Variants in SYT2 observed in about 807,000 individuals in gnomAD.
The protein encoded by SYT2 is synaptotagmin 2, also known as synaptotagmin-2.
A neutral mutation model predicts 39.9 loss-of-function variants in SYT2; 15 were observed. The ratio of observed to expected loss-of-function variants is 0.38; its 90% CI spans 0.25 to 0.58. SYT2 has a LOEUF of 0.58. Among genes scored for constraint, SYT2 ranks in the 20% least tolerant of loss-of-function variants. The probability of loss-of-function intolerance (pLI) is 0.70; values close to 1 mark genes in which losing one functional copy is unlikely to be tolerated. For synonymous variants in SYT2, 181 were observed against 204.5 expected, an observed-to-expected ratio of 0.89 and a Z score of 0.98; for missense variants, 389 against 530.3, an observed-to-expected ratio of 0.73 and a Z score of 2.62.
intron 1 of SYT2, among the ~76,000 whole-genome samples, chr1:202,702,267 C>T (rs1455564179): frequency 6.6e-6 from 1 of 152,216 alleles, no homozygotes; most frequent in Non-Finnish European, 1.5e-5. Flanking sequence ...GCTTCCCTGC[C>T]TCCTGCAGCT....
At chr1:202,666,108 G>C (rs570053997) in intron 1 of SYT2, among the ~76,000 whole-genome samples, 1 of 148,170 alleles carries the variant, frequency 6.7e-6, no homozygotes, top group African/African-American at 2.5e-5. Flanking sequence ...AGCCGAGATC[G>C]TGCCACTGCA....
chr1:202,622,222 C>T (rs1403849134), intron 1 of SYT2, among the ~76,000 whole-genome samples: 1 of 152,214 alleles, frequency 6.6e-6, no homozygotes, highest in East Asian at 1.9e-4. Flanking sequence ...TTATGTTTTG[C>T]ACCAATGCTT....
chr1:202,686,280 A>C (rs1462792553), intron 1 of SYT2, among the ~76,000 whole-genome samples: 1 of 152,184 alleles, frequency 6.6e-6, no homozygotes, highest in East Asian at 1.9e-4. Flanking sequence ...CTCTTTTCTT[A>C]TAAATTACCC....
chr1:202,643,460 CCT>C (rs558459512), intron 1 of SYT2: 36 of 150,388 alleles, frequency 2.4e-4, no homozygotes, highest in Admixed American at 2.6e-4. Flanking sequence ...CTATTCTCTT[CCT>C]CTCTCTCTCT....
At chr1:202,616,162 CCTCT>C (rs1392018403) in intron 1 of SYT2, among the ~76,000 whole-genome samples, 2 of 152,164 alleles carry the variant, frequency 1.3e-5, no homozygotes, top group Non-Finnish European at 2.9e-5. Flanking sequence ...TCACACCCCT[CCTCT>C]CTCTTTGCTG....
intron 5 of SYT2, 133 bp from the exon 6 acceptor site, chr1:202,602,190 T>A: frequency 2.0e-6 from 1 of 500,856 alleles, no homozygotes. Flanking sequence ...CCAAGGCTTT[T>A]GGGGAGCAGA....
At chr1:202,606,302 C>T (rs1393110205) in intron 1 of SYT2, among the ~76,000 whole-genome samples, 1 of 152,116 alleles carries the variant, frequency 6.6e-6, no homozygotes, top group Non-Finnish European at 1.5e-5. Flanking sequence ...CTGGTCTGCC[C>T]AACTCCAGAG....
intron 1 of SYT2, among the ~76,000 whole-genome samples, chr1:202,642,101 T>C (rs1393199053): frequency 3.3e-5 from 5 of 152,152 alleles, no homozygotes; most frequent in African/African-American, 1.2e-4. Flanking sequence ...AAACCTCAGA[T>C]ACCTTAAATT....
chr1:202,613,930 G>A (rs530682241), intron 1 of SYT2, among the ~76,000 whole-genome samples: 2 of 152,316 alleles, frequency 1.3e-5, no homozygotes, highest in South Asian at 4.1e-4. Context: ...CTACTTTTCA[G>A]AACTGCCGTG....
chr1:202,638,357 C>T (rs1210513023), intron 1 of SYT2, among the ~76,000 whole-genome samples: 1 of 152,232 alleles, frequency 6.6e-6, no homozygotes, highest in Non-Finnish European at 1.5e-5. Flanking sequence ...TATTCACAGC[C>T]TCTCTTGACC....
intron 8 of SYT2, 149 bp from the exon 9 acceptor site, chr1:202,597,112 A>G (rs1459335200): frequency 5.9e-6 from 4 of 678,100 alleles, no homozygotes; most frequent in African/African-American, 1.8e-5. Flanking sequence ...TGAAGACTGA[A>G]TTGACATGGA....
intron 1 of SYT2, among the ~76,000 whole-genome samples, chr1:202,659,711 T>G (rs1387507238): frequency 6.6e-6 from 1 of 152,120 alleles, no homozygotes; most frequent in East Asian, 1.9e-4. Context: ...TCTGCCCTTC[T>G]CCTCTAATGT....
At chr1:202,700,630 G>A (rs747115881) in intron 1 of SYT2, among the ~76,000 whole-genome samples, 7 of 152,028 alleles carry the variant, frequency 4.6e-5, no homozygotes, top group Non-Finnish European at 8.8e-5. Context: ...TATAGTAGAC[G>A]TTTTCTCTAG....
chr1:202,689,660 A>T (rs767357214), intron 1 of SYT2, among the ~76,000 whole-genome samples: 1 of 152,032 alleles, frequency 6.6e-6, no homozygotes, highest in Non-Finnish European at 1.5e-5. Context: ...GGGGGCAGGG[A>T]ACACTGTGGG....
Position 202,630,678 on chromosome 1 carries a change from A to G in SYT2, c.-17-24889T>C, listed in dbSNP as rs559616491. On this transcript the variant is annotated intron_variant, in intron 1 of 8. Transcript: ENST00000367268. The stretch of plus-strand genomic sequence containing the variant: ...GCCGAACACACCCCTGGCTCCAGAG[A>G]CGCCATCATCTGGGACCCTCTCCTC... 5.3e-5 allele frequency among the ~76,000 whole-genome samples: 8 copies of G among 152,246 alleles called. No individual in the cohort carries two copies. The South Asian group carries it at 1.5e-3, about 28-fold the overall frequency.
At chr1:202,692,284 G>A (rs188142153) in intron 1 of SYT2, among the ~76,000 whole-genome samples, 100 of 152,132 alleles carry the variant, frequency 6.6e-4, no homozygotes, top group African/African-American at 2.4e-3. Flanking sequence ...CCTATCCCCA[G>A]CTAAGCTCAC....
intron 1 of SYT2, among the ~76,000 whole-genome samples, chr1:202,663,532 A>C (rs1692425980): frequency 1.3e-5 from 2 of 152,180 alleles, no homozygotes; most frequent in Admixed American, 6.5e-5. Context: ...CAGCGGCAAC[A>C]TTTTAAATAG....
In SYT2 at chr1:202,708,799, T is replaced by C. The variant is rs1451450111; in HGVS notation, c.-18+1459A>G. ...TTCCACCTGCCACTCGGGCCCGCCT[T>C]TGGGGCACTGGGCATGGCTTTTTTC... is the stretch of plus-strand genomic sequence containing the variant. On this transcript the variant is annotated intron_variant, in intron 1 of 8. Coordinates refer to ENST00000367268, the MANE Select transcript of SYT2 (RefSeq NM_177402.5). Among the ~76,000 whole-genome samples the C allele has an allele frequency of 7.2e-5, 11 of 152,308 alleles. No homozygotes were observed. The East Asian group carries it at 1.9e-3, about 27-fold the overall frequency.
chr1:202,640,940 A>C (rs1037735439), intron 1 of SYT2, among the ~76,000 whole-genome samples: 1 of 152,164 alleles, frequency 6.6e-6, no homozygotes, highest in African/African-American at 2.4e-5. Flanking sequence ...CTGCCCTGCC[A>C]CCTGCTTGCT....
Sources: allele counts gnomAD v4.1 joint callset (sites outside exome capture counted in the v4.1 genomes callset), GRCh38; gene constraint gnomAD v4.1.1; transcripts MANE v1.5; gene names NCBI Gene and HGNC (gene_info 2026-07-23, HGNC 2026-07-21).